Variants in CCDC93 observed in about 807,000 individuals in gnomAD.
The protein encoded by CCDC93 is CCC complex scaffolding subunit CCDC93.
In CCDC93, 61 loss-of-function variants were observed where a neutral mutation model predicts 108.2. The observed-to-expected ratio is 0.56, with a 90% CI of 0.46 to 0.70. CCDC93 has a LOEUF of 0.70. Ranked by LOEUF, CCDC93 falls within the 30% of genes least tolerant of loss-of-function variation. CCDC93 has a pLI of 0.00. For synonymous variants in CCDC93, 276 were observed against 260.4 expected (o/e 1.06, Z -0.58); for missense variants, 685 against 764.2 (o/e 0.90, Z 1.22).
intron 20 of CCDC93, 150 bp downstream of exon 20, chr2:117,938,879 T>C (rs1222855981): frequency 8.8e-5 from 45 of 512,846 alleles, no homozygotes; most frequent in Non-Finnish European, 3.5e-6. Flanking sequence ...TTGCACTTTC[T>C]GACTGGGTAT....
intron 11 of CCDC93, among the ~76,000 whole-genome samples, chr2:117,961,480 A>C (rs1679388295): frequency 6.6e-6 from 1 of 152,208 alleles, no homozygotes; most frequent in African/African-American, 2.4e-5. Flanking sequence ...TTTAATGGGA[A>C]GTTATTTTTA....
At chr2:118,012,004 C>T (rs1208655375) in intron 1 of CCDC93, among the ~76,000 whole-genome samples, 1 of 152,204 alleles carries the variant, frequency 6.6e-6, no homozygotes, top group Non-Finnish European at 1.5e-5. Flanking sequence ...CTGACAAAGA[C>T]AAACAACAAT....
intron 3 of CCDC93, 74 bp from the exon 4 acceptor site, chr2:118,001,006 G>T: frequency 1.1e-6 from 1 of 893,664 alleles, no homozygotes; most frequent in Non-Finnish European, 1.9e-6. Context: ...AGTCTGGGCA[G>T]CATCACAGAC....
At chr2:118,000,690 C>T (rs1467652489) in intron 4 of CCDC93, 131 bp downstream of exon 4, 1 of 613,258 alleles carries the variant, frequency 1.6e-6, no homozygotes, top group Admixed American at 2.8e-5. Context: ...CCACCATGTT[C>T]TGCTGTACCA....
At chr2:117,930,776 A>T in intron 23 of CCDC93, 1 of 302,754 alleles carries the variant, frequency 3.3e-6, no homozygotes, top group South Asian at 8.7e-5. Flanking sequence ...TCATTTTGTG[A>T]GTTAATGTGC....
At chr2:117,932,810 C>T (rs375655307) in intron 22 of CCDC93, among the ~76,000 whole-genome samples, 1 of 152,212 alleles carries the variant, frequency 6.6e-6, no homozygotes, top group Non-Finnish European at 1.5e-5. Flanking sequence ...ACTGTTCCTT[C>T]GTGGGCTCCA....
intron 18 of CCDC93, among the ~76,000 whole-genome samples, chr2:117,942,036 A>T (rs1179881242): frequency 1.3e-5 from 2 of 152,170 alleles, no homozygotes; most frequent in Admixed American, 1.3e-4. Flanking sequence ...TGAATCTCTA[A>T]TTCACTGGGG....
chr2:117,974,832 T>C lies in CCDC93; in HGVS notation c.801+18A>G, dbSNP rs755769327. 1 of 1,562,658 alleles carries C rather than the reference T, an allele frequency of 6.4e-7. No homozygotes were observed. On this transcript the variant is annotated intron_variant, in intron 10 of 23. Coordinates refer to ENST00000376300, the MANE Select transcript of CCDC93 (RefSeq NM_019044.5). ...GGTGCCAAGTCCCCATCCCCACACCTCCCCGACTCCCACTCACCTCCTCAT... is the reference window on the plus strand; with the variant it reads ...GGTGCCAAGTCCCCATCCCCACACCCCCCCGACTCCCACTCACCTCCTCAT...
At position 118,008,416 on chromosome 2, in the gene CCDC93, G is replaced by A. The variant is rs535426488; in HGVS notation, c.156+129C>T. 3.5e-5 allele frequency: 22 copies of A among 637,376 alleles called. No homozygotes were observed. The African/African-American group carries it at 3.8e-4, about 11-fold the overall frequency. The allele number at this position is 637,376 out of a possible 1,614,324, so 39.5% of individuals were successfully genotyped here. ...GTTTGAACACTTCCATAATGAATCT[G>A]AATTAGGAAGAAATGGAAACACAGA... On this transcript the variant is annotated intron_variant, in intron 2 of 23. Coordinates refer to ENST00000376300, the MANE Select transcript of CCDC93 (RefSeq NM_019044.5).
intron 21 of CCDC93, chr2:117,935,812 T>C: frequency 2.6e-6 from 1 of 380,284 alleles, no homozygotes; most frequent in Non-Finnish European, 4.7e-6. Flanking sequence ...ATCTTTTTTG[T>C]CATACTTTCC....
intron 23 of CCDC93, among the ~76,000 whole-genome samples, chr2:117,924,378 TG>T (rs1678000927): frequency 2.0e-5 from 3 of 152,088 alleles, no homozygotes; most frequent in African/African-American, 7.2e-5. Flanking sequence ...TTAAAAACCT[TG>T]AAAAAAAATT....
At chr2:117,996,712 C>T (rs1680664122) in intron 4 of CCDC93, 1 of 167,772 alleles carries the variant, frequency 6.0e-6, no homozygotes, top group Non-Finnish European at 1.3e-5. Flanking sequence ...TTTGTAAACA[C>T]CTGAAGCACA....
In CCDC93 at chr2:117,919,429, A is replaced by G. The variant is rs1455460470; in HGVS notation, c.*914T>C. On this transcript the variant is annotated 3_prime_UTR_variant, in exon 24 of 24. Transcript: ENST00000376300. ...GTTTCCCTGGATCTCTGCAAACCCT[A>G]CTGCTCTTCCTCCTGACACCCTACT... The G allele has an allele frequency of 6.6e-6, 1 of 152,048 alleles. No homozygotes were observed. Among genetic ancestry groups the G allele is most frequent in the Admixed American group, 6.6e-5 (1 of 15,266 alleles). 9.4% of individuals were successfully genotyped at this position (152,048 alleles called of 1,614,324 possible).
intron 4 of CCDC93, among the ~76,000 whole-genome samples, chr2:118,000,532 AAC>A (rs1680812462): frequency 1.3e-5 from 2 of 152,204 alleles, no homozygotes; most frequent in Non-Finnish European, 1.5e-5. Flanking sequence ...GTCAAAAGGG[AAC>A]AGAGCATACC....
At position 117,950,191 on chromosome 2, in the gene CCDC93, G is replaced by A. The variant is rs551536036; in HGVS notation, c.1069-796C>T. 2.0e-5 allele frequency: 20 copies of A among 985,264 alleles called. No homozygotes were observed. In the East Asian group the frequency reaches 5.7e-4, roughly 28 times the overall value. The allele number at this position is 985,264 out of a possible 1,614,324, so 61.0% of individuals were successfully genotyped here. A position where few individuals can be genotyped will look rare whatever the true frequency, so the allele number is the denominator to read the frequency against. On this transcript the variant is annotated intron_variant, in intron 13 of 23. Transcript: ENST00000376300. ...CATGGATCCACAGAGGTGGTAACCC[G>A]AAATTTTAAAATTAAAGATGAACAT...
intron 21 of CCDC93, among the ~76,000 whole-genome samples, chr2:117,936,074 A>C (rs1678513420): frequency 6.6e-6 from 1 of 151,954 alleles, no homozygotes; most frequent in African/African-American, 2.4e-5. Context: ...GTAACTCAAT[A>C]AGATGTCAGT....
intron 23 of CCDC93, among the ~76,000 whole-genome samples, chr2:117,926,180 T>C (rs1318302056): frequency 2.0e-5 from 3 of 151,828 alleles, no homozygotes; most frequent in African/African-American, 7.3e-5. Flanking sequence ...AGATCTAAAA[T>C]TGACACCCTA....
At chr2:117,922,533 G>A (rs1677904931) in intron 23 of CCDC93, among the ~76,000 whole-genome samples, 1 of 152,168 alleles carries the variant, frequency 6.6e-6, no homozygotes, top group Non-Finnish European at 1.5e-5. Context: ...ATCATGACCT[G>A]ATGGCGCCCA....
chr2:117,978,627 AAAAAGC>A (rs1031529370), intron 7 of CCDC93, among the ~76,000 whole-genome samples: 1 of 152,236 alleles, frequency 6.6e-6, no homozygotes, highest in Non-Finnish European at 1.5e-5. Context: ...AACCCTCAAC[AAAAAGC>A]AAAATGCAAA....
Sources: allele counts gnomAD v4.1 joint callset (sites outside exome capture counted in the v4.1 genomes callset), GRCh38; gene constraint gnomAD v4.1.1; transcripts MANE v1.5; gene names NCBI Gene and HGNC (gene_info 2026-07-23, HGNC 2026-07-21).